Variants in PGAP1 observed in about 807,000 individuals in gnomAD.
PGAP1 encodes the protein GPI inositol-deacylase.
A neutral mutation model predicts 127.0 loss-of-function variants in PGAP1; 76 were observed. That is an observed-to-expected ratio of 0.60 (90% CI 0.50 to 0.72). PGAP1 has a LOEUF of 0.72. Among genes scored for constraint, PGAP1 ranks in the 30% least tolerant of loss-of-function variants. The pLI is 0.00. For synonymous variants in PGAP1, 362 were observed against 366.5 expected (o/e 0.99, Z 0.14); for missense variants, 982 against 1,071.3 (o/e 0.92, Z 1.16).
chr2:196,918,309 A>G (rs1703079565), intron 2 of PGAP1, among the ~76,000 whole-genome samples: 1 of 152,326 alleles, frequency 6.6e-6, no homozygotes, highest in South Asian at 2.1e-4. Flanking sequence ...AAAGATACAC[A>G]TAACCTGTAA....
Position 196,840,008 on chromosome 2 carries a change from A to G in PGAP1, c.*1226T>C, listed in dbSNP as rs1700361592. 1 of 152,224 alleles carries G rather than the reference A, an allele frequency of 6.6e-6. No individual in the cohort carries two copies. 9.4% of individuals were successfully genotyped at this position (152,224 alleles called of 1,614,324 possible). On this transcript the variant is annotated 3_prime_UTR_variant, in exon 27 of 27. Transcript: ENST00000354764. ...GCCTGAGTTTACGCTATCCTAAGGC[A>G]AAGAGTATACTCTTCTGCCTTGCCG... is the stretch of plus-strand genomic sequence containing the variant.
At chr2:196,859,661 T>C (rs1700997993) in intron 20 of PGAP1, among the ~76,000 whole-genome samples, 1 of 152,166 alleles carries the variant, frequency 6.6e-6, no homozygotes, top group Non-Finnish European at 1.5e-5. Context: ...AAAAATATCA[T>C]TCACCACGAT....
At position 196,926,617 on chromosome 2, in the gene PGAP1, G is replaced by A. The variant is rs767741936; in HGVS notation, c.-1C>T. The A allele has an allele frequency of 6.2e-7, 1 of 1,613,990 alleles. No individual in the cohort carries two copies. Among genetic ancestry groups the A allele is most frequent in the East Asian group, 2.2e-5 (1 of 44,878 alleles). On this transcript the variant is annotated 5_prime_UTR_variant, in exon 1 of 27. Transcript: ENST00000354764. ...AGAGATTAACTGAGTGAAGAAACAT[G>A]GTGCCGCCACCACCGCCGCCGCCGC...
At chr2:196,894,453 T>A (rs556659228) in intron 7 of PGAP1, among the ~76,000 whole-genome samples, 1 of 152,334 alleles carries the variant, frequency 6.6e-6, no homozygotes, top group Non-Finnish European at 1.5e-5. Flanking sequence ...TAAATTTGTT[T>A]GATTTTCTTA....
chr2:196,841,474 T>A, intron 26 of PGAP1, 102 bp from the exon 27 acceptor site: 1 of 821,110 alleles, frequency 1.2e-6, no homozygotes, highest in Non-Finnish European at 1.8e-6. Context: ...ATATTCTAAG[T>A]GAATTTAAAT....
chr2:196,885,621 T>C lies in PGAP1; in HGVS notation c.1221-146A>G, dbSNP rs1046521663. On this transcript the variant is annotated intron_variant, in intron 11 of 26. Transcript: ENST00000354764. The stretch of plus-strand genomic sequence containing the variant: ...TAATCCAATATACTCTGTCCACATA[T>C]TTCCCTTAGCAACAAAAATGTTTTT... The C allele has an allele frequency of 5.2e-5, 33 of 639,900 alleles. No individual in the cohort carries two copies. The African/African-American group carries it at 5.7e-4, about 11-fold the overall frequency. 39.6% of individuals were successfully genotyped at this position (639,900 alleles called of 1,614,324 possible).
intron 7 of PGAP1, among the ~76,000 whole-genome samples, chr2:196,895,155 T>C (rs1458996675): frequency 6.6e-6 from 1 of 152,182 alleles, no homozygotes; most frequent in Admixed American, 6.5e-5. Context: ...TTCTTAGTAA[T>C]ATGGTTATCA....
chr2:196,841,692 T>C (rs1269365691), intron 26 of PGAP1, among the ~76,000 whole-genome samples: 1 of 152,058 alleles, frequency 6.6e-6, no homozygotes, highest in African/African-American at 2.4e-5. Context: ...TAATTTTTTG[T>C]ATTTTTAGTA....
At position 196,844,077 on chromosome 2, in the gene PGAP1, T is replaced by G. The variant is rs1559328283; in HGVS notation, c.2338-2A>C. ...ACTTCTTCTAGAGTGTTTGGGATTC[T>G]ATAAAACAATAAAGTAGAAATATCA... On this transcript the variant is annotated splice_acceptor_variant, in intron 24 of 26. Coordinates refer to ENST00000354764, the MANE Select transcript of PGAP1 (RefSeq NM_024989.4). LOFTEE classifies it high-confidence loss of function. The G allele has an allele frequency of 6.6e-7, 1 of 1,514,460 alleles. No homozygotes were observed. The highest frequency in any genetic ancestry group is 9.0e-7 in the Non-Finnish European group (1 of 1,116,216). The allele number at this position is 1,514,460 out of a possible 1,614,324, so 93.8% of individuals were successfully genotyped here.
rs1387393586 is a variant in PGAP1 at position 196,872,481 on chromosome 2, G to A, written c.1688C>T (p.Ala563Val). 6.2e-7 allele frequency: 1 copy of A among 1,612,926 alleles called. No homozygotes were observed. The highest frequency in any genetic ancestry group is 8.5e-7 in the Non-Finnish European group (1 of 1,179,092). ...TGATGACGTGTACATTTTAAATAAT[G>A]CCACATGGGTATTGTTTTCTGGTTG... ...IAQPENNTHV[A>V]LFKMYTSSDC... The change falls in exon 18 of 27, where the codon GCA becomes GTA. Residue 563 changes from alanine to valine, a missense_variant. By Grantham distance (64) the Ala-to-Val change is moderately conservative. Transcript: ENST00000354764.
intron 10 of PGAP1, among the ~76,000 whole-genome samples, chr2:196,886,368 C>T (rs887989772): frequency 6.6e-6 from 1 of 151,882 alleles, no homozygotes; most frequent in African/African-American, 2.4e-5. Context: ...ACCATGTTGG[C>T]CAGGCTGGTC....
At position 196,870,287 on chromosome 2, in the gene PGAP1, T is replaced by TTTTC. The variant is rs200625080; in HGVS notation, c.1767+650_1767+653dup. ...ATGAGCAACATGAAATCTTTTTTCT[T>TTTTC]TTTCTTTCTTTCTTTTTTTTTTTTT... is the stretch of plus-strand genomic sequence containing the variant. On this transcript the variant is annotated intron_variant, in intron 19 of 26. Transcript: ENST00000354764. 1.8e-3 allele frequency among the ~76,000 whole-genome samples: 273 copies of TTTTC among 151,844 alleles called. 2 individuals are homozygous for TTTTC. The highest frequency in any genetic ancestry group is 6.1e-3 in the African/African-American group (255 of 41,464).
At position 196,834,414 on chromosome 2, in the gene PGAP1, A is replaced by G. The variant is rs1700180088; in HGVS notation, c.*6820T>C. Reference sequence around the variant, plus strand: ...ATTTGAGAGGACCACCCATAATAAAATGTACAGTTATAAAATTGCAGGGCA... The same window carrying G: ...ATTTGAGAGGACCACCCATAATAAAGTGTACAGTTATAAAATTGCAGGGCA... On this transcript the variant is annotated 3_prime_UTR_variant, in exon 27 of 27. Transcript: ENST00000354764. 1 of 152,440 alleles carries G rather than the reference A, an allele frequency of 6.6e-6. No homozygotes were observed. The highest frequency in any genetic ancestry group is 2.4e-5 in the African/African-American group (1 of 41,436). The allele number at this position is 152,440 out of a possible 1,614,324, so 9.4% of individuals were successfully genotyped here.
At position 196,838,134 on chromosome 2, in the gene PGAP1, T is replaced by A. The variant is rs1457186207; in HGVS notation, c.*3100A>T. On this transcript the variant is annotated 3_prime_UTR_variant, in exon 27 of 27. Transcript: ENST00000354764. ...ACTCCAAAGGAGGCTTTAGAAATAC[T>A]AAATGTTCCCAGTGTTTTCCTCTGT... The A allele has an allele frequency of 1.3e-5, 2 of 152,246 alleles. No individual in the cohort carries two copies. The highest frequency in any genetic ancestry group is 4.8e-5 in the African/African-American group (2 of 41,468). 9.4% of individuals were successfully genotyped at this position (152,246 alleles called of 1,614,324 possible).
At chr2:196,902,355 T>C (rs563699120) in intron 5 of PGAP1, among the ~76,000 whole-genome samples, 1 of 152,292 alleles carries the variant, frequency 6.6e-6, no homozygotes, top group South Asian at 2.1e-4. Flanking sequence ...TTACTCCCTA[T>C]GGACATAAGC....
chr2:196,889,582 C>T (rs998481092), intron 10 of PGAP1, among the ~76,000 whole-genome samples: 28 of 151,258 alleles, frequency 1.9e-4, no homozygotes, highest in South Asian at 4.2e-4. Context: ...TGAGGCCGGG[C>T]GCGGTGGCTC....
chr2:196,865,826 A>C (rs924465661), intron 19 of PGAP1, among the ~76,000 whole-genome samples: 32 of 152,208 alleles, frequency 2.1e-4, no homozygotes, highest in Non-Finnish European at 1.8e-4. Flanking sequence ...CCTATACACC[A>C]GTAACAGACA....
intron 7 of PGAP1, 26 bp from the exon 8 acceptor site, chr2:196,893,271 T>C (rs755870318): frequency 4.5e-5 from 54 of 1,193,622 alleles, no homozygotes; most frequent in Non-Finnish European, 6.3e-5. Flanking sequence ...ATACATTCTG[T>C]ATCATTTTGT....
At chr2:196,891,624 T>A (rs1417706916) in intron 9 of PGAP1, among the ~76,000 whole-genome samples, 1 of 151,224 alleles carries the variant, frequency 6.6e-6, no homozygotes, top group African/African-American at 2.4e-5. Context: ...TAAGGTAAGA[T>A]CCAAAGATCC....
Sources: allele counts gnomAD v4.1 joint callset (sites outside exome capture counted in the v4.1 genomes callset), GRCh38; gene constraint gnomAD v4.1.1; transcripts MANE v1.5; gene names NCBI Gene and HGNC (gene_info 2026-07-23, HGNC 2026-07-21).